Variants in PPP1R16B observed in about 807,000 individuals in gnomAD.
PPP1R16B encodes the protein protein phosphatase 1 regulatory inhibitor subunit 16B.
In PPP1R16B, 14 loss-of-function variants were observed where a neutral mutation model predicts 61.7. The observed-to-expected ratio is 0.23, with a 90% CI of 0.15 to 0.35. PPP1R16B has a LOEUF of 0.35. Among genes scored for constraint, PPP1R16B ranks in the 10% least tolerant of loss-of-function variants. The probability of loss-of-function intolerance (pLI) is 1.00; values close to 1 mark genes in which losing one functional copy is unlikely to be tolerated. For missense variants in PPP1R16B, 547 were observed against 752.5 expected (o/e 0.73, Z 3.19); for synonymous variants, 266 against 305.3 (o/e 0.87, Z 1.34).
chr20:38,877,146 C>T (rs1341463912), intron 2 of PPP1R16B, among the ~76,000 whole-genome samples: 1 of 152,170 alleles, frequency 6.6e-6, no homozygotes, highest in African/African-American at 2.4e-5. Context: ...ATTGTTTAGG[C>T]ATTTGGGTTG....
intron 1 of PPP1R16B, among the ~76,000 whole-genome samples, chr20:38,811,507 C>T (rs2084700476): frequency 1.3e-5 from 2 of 152,168 alleles, no homozygotes; most frequent in South Asian, 4.1e-4. Flanking sequence ...GATTTGTAAT[C>T]ATATGGAAAA....
chr20:38,831,073 C>T (rs927592777), intron 1 of PPP1R16B, among the ~76,000 whole-genome samples: 1 of 152,194 alleles, frequency 6.6e-6, no homozygotes, highest in African/African-American at 2.4e-5. Context: ...CAGTGAGTGA[C>T]GAGGAACTTG....
Position 38,855,931 on chromosome 20 carries a change from TATATATATATATAG to T in PPP1R16B, c.250+19758_250+19771del, listed in dbSNP as rs1210131174. Among the ~76,000 whole-genome samples, 142 of 52,688 alleles carry T rather than the reference TATATATATATATAG, an allele frequency of 2.7e-3. 1 individual carries two copies. The highest frequency in any genetic ancestry group is 5.3e-3 in the Admixed American group (23 of 4,304). 34.6% of individuals were successfully genotyped at this position (52,688 alleles called of 152,430 possible). A position where few individuals can be genotyped will look rare whatever the true frequency, so the allele number is the denominator to read the frequency against. On this transcript the variant is annotated intron_variant, in intron 2 of 10. Transcript: ENST00000299824. ...ACATATATATATATATATATATATA[TATATATATATATAG>T]AGAGAGAGAGAGAGAGAGAGAGAGA...
chr20:38,917,287 C>T (rs1381925527), intron 10 of PPP1R16B, among the ~76,000 whole-genome samples: 1 of 144,174 alleles, frequency 6.9e-6, no homozygotes, highest in East Asian at 2.1e-4. Context: ...CAGAGCAAGA[C>T]TCCGTCTCAA....
chr20:38,869,507 C>T (rs540789853), intron 2 of PPP1R16B, among the ~76,000 whole-genome samples: 10 of 152,268 alleles, frequency 6.6e-5, no homozygotes, highest in East Asian at 5.8e-4. Flanking sequence ...ACAGTAGCTA[C>T]GCACCATTTT....
intron 1 of PPP1R16B, among the ~76,000 whole-genome samples, chr20:38,832,326 C>T (rs936026700): frequency 2.6e-5 from 4 of 152,078 alleles, no homozygotes; most frequent in Non-Finnish European, 5.9e-5. Flanking sequence ...AATCAGGGCT[C>T]GTCACAGAGC....
intron 2 of PPP1R16B, among the ~76,000 whole-genome samples, chr20:38,841,518 A>T (rs1041615571): frequency 2.0e-5 from 3 of 152,158 alleles, no homozygotes. Flanking sequence ...ACAGAGCAAG[A>T]CCCCATCTCA....
intron 6 of PPP1R16B, among the ~76,000 whole-genome samples, chr20:38,903,569 CCG>C (rs2085414475): frequency 1.3e-5 from 1 of 78,578 alleles, no homozygotes; most frequent in African/African-American, 4.9e-5. Context: ...ATCCATCCGT[CCG>C]TCCGTCCGTC....
At chr20:38,813,763 TCA>T (rs1491118846) in intron 1 of PPP1R16B, among the ~76,000 whole-genome samples, 28 of 130,314 alleles carry the variant, frequency 2.1e-4, no homozygotes, top group South Asian at 1.5e-3. Flanking sequence ...ATCATCATCA[TCA>T]TCATTATTAT....
At position 38,807,855 on chromosome 20, in the gene PPP1R16B, A is replaced by G. The variant is rs548603512; in HGVS notation, c.-102+2063A>G. Among the ~76,000 whole-genome samples the G allele has an allele frequency of 2.0e-5, 3 of 152,072 alleles. No homozygotes were observed. In the East Asian group the frequency reaches 5.8e-4, roughly 29 times the overall value. ...TTGGTCTCCTACCACCGTGACACTCATTAGTGGCTCTGTGGTTCATGTGTC... is the reference window on the plus strand; with the variant it reads ...TTGGTCTCCTACCACCGTGACACTCGTTAGTGGCTCTGTGGTTCATGTGTC... On this transcript the variant is annotated intron_variant, in intron 1 of 10. Transcript: ENST00000299824.
intron 10 of PPP1R16B, among the ~76,000 whole-genome samples, chr20:38,916,680 A>G (rs960065978): frequency 2.0e-5 from 3 of 151,970 alleles, no homozygotes; most frequent in Non-Finnish European, 2.9e-5. Flanking sequence ...TTTATTTTTT[A>G]CTGAAGAGCT....
chr20:38,872,554 C>G (rs1246460167), intron 2 of PPP1R16B, among the ~76,000 whole-genome samples: 1 of 152,196 alleles, frequency 6.6e-6, no homozygotes, highest in Non-Finnish European at 1.5e-5. Context: ...AGACACCCCC[C>G]TCCTGCAGGG....
In PPP1R16B at chr20:38,859,297, T is replaced by C. The variant is rs531224427; in HGVS notation, c.250+23122T>C. On this transcript the variant is annotated intron_variant, in intron 2 of 10. Coordinates refer to ENST00000299824, the MANE Select transcript of PPP1R16B (RefSeq NM_015568.4). ...AGTGACTGCTAGTGCGGGTTCCTTTTTTTTTTGGCGGGGTGGGGGAGGGTG... is the reference window on the plus strand; with the variant it reads ...AGTGACTGCTAGTGCGGGTTCCTTTCTTTTTTGGCGGGGTGGGGGAGGGTG... Among the ~76,000 whole-genome samples the C allele has an allele frequency of 6.6e-5, 10 of 152,094 alleles. No homozygotes were observed. The East Asian group carries it at 1.9e-3, about 29-fold the overall frequency.
intron 1 of PPP1R16B, among the ~76,000 whole-genome samples, chr20:38,822,005 AAT>A (rs2084776378): frequency 6.8e-6 from 1 of 147,088 alleles, no homozygotes; most frequent in Non-Finnish European, 1.5e-5. Flanking sequence ...TAATATATAT[AAT>A]ATATATTATA....
rs368899267 is a variant in PPP1R16B at position 38,889,674 on chromosome 20, G to T, written c.321+9G>T. 6.4e-7 allele frequency: 1 copy of T among 1,563,974 alleles called. No individual in the cohort carries two copies. The highest frequency in any genetic ancestry group is 1.4e-5 in the African/African-American group (1 of 73,708). On this transcript the variant is annotated intron_variant, in intron 3 of 10. Transcript: ENST00000299824. ...TCACAGCCCTACACCAGGTAAGGCC[G>T]GGCTCGTTGGGGCTCCAGGGCTCCC...
Position 38,843,422 on chromosome 20 carries a change from C to T in PPP1R16B, c.250+7247C>T, listed in dbSNP as rs147544262. Among the ~76,000 whole-genome samples, 5 of 149,328 alleles carry T rather than the reference C, an allele frequency of 3.3e-5. No individual in the cohort carries two copies. The East Asian group carries it at 5.9e-4, about 18-fold the overall frequency. ...TACCTGGGGCTGGAGAATCCACTTCCAAGATGGCTCACTGGCATGGCTCTT... is the reference window on the plus strand; with the variant it reads ...TACCTGGGGCTGGAGAATCCACTTCTAAGATGGCTCACTGGCATGGCTCTT... On this transcript the variant is annotated intron_variant, in intron 2 of 10. Transcript: ENST00000299824.
intron 10 of PPP1R16B, among the ~76,000 whole-genome samples, chr20:38,916,470 C>A (rs2085541998): frequency 6.6e-6 from 1 of 150,700 alleles, no homozygotes; most frequent in East Asian, 2.0e-4. Context: ...TCTTGGACAT[C>A]TTTCCATGCC....
intron 1 of PPP1R16B, among the ~76,000 whole-genome samples, chr20:38,809,044 GA>G (rs1439294066): frequency 8.3e-5 from 4 of 48,400 alleles, no homozygotes; most frequent in South Asian, 6.6e-4. Flanking sequence ...AAAAGAAAAA[GA>G]AAAAAAAAAG....
chr20:38,810,724 A>G (rs2084695424), intron 1 of PPP1R16B, among the ~76,000 whole-genome samples: 1 of 152,188 alleles, frequency 6.6e-6, no homozygotes, highest in South Asian at 2.1e-4. Context: ...TTGCATCGCC[A>G]TTGAATTCTC....
Sources: gnomAD v4.1 joint callset for allele counts (sites outside exome capture counted in the v4.1 genomes callset) on GRCh38, gnomAD v4.1.1 for gene constraint, MANE v1.5 for transcripts, NCBI Gene and HGNC (gene_info 2026-07-23, HGNC 2026-07-21) for gene names.